Variants in AUTS2 observed in about 807,000 individuals in gnomAD.
AUTS2 encodes activator of transcription and developmental regulator AUTS2.
In AUTS2, 17 loss-of-function variants were observed where a neutral mutation model predicts 112.4. The observed-to-expected ratio is 0.15, with a 90% CI of 0.10 to 0.23. The LOEUF is 0.23. AUTS2 is among the 10% of genes least tolerant of loss of function. AUTS2 has a pLI of 1.00. For synonymous variants in AUTS2, 751 were observed against 702.7 expected (o/e 1.07, Z -1.09); for missense variants, 1,510 against 1,701.6 (o/e 0.89, Z 1.98).
In AUTS2 at chr7:70,435,739, T is replaced by C; in HGVS notation, c.661-13T>C. ...TCTTGCACTAACCCTTATTCTCTTG[T>C]CTTCATTTTCAGTGTGACAGTGACA... On this transcript the variant is annotated splice_polypyrimidine_tract_variant and intron_variant, in intron 4 of 18. Transcript: ENST00000342771. 6.2e-7 allele frequency: 1 copy of C among 1,614,036 alleles called. No individual in the cohort carries two copies. Among genetic ancestry groups the C allele is most frequent in the African/African-American group, 1.3e-5 (1 of 75,004 alleles).
At chr7:69,886,303 A>G (rs1794268996) in intron 1 of AUTS2, among the ~76,000 whole-genome samples, 1 of 152,242 alleles carries the variant, frequency 6.6e-6, no homozygotes, top group Admixed American at 6.5e-5. Flanking sequence ...TTCAATAGGA[A>G]GTTGACAACA....
At chr7:70,350,622 C>T (rs1266375995) in intron 4 of AUTS2, among the ~76,000 whole-genome samples, 2 of 152,164 alleles carry the variant, frequency 1.3e-5, no homozygotes, top group Non-Finnish European at 2.9e-5. Context: ...TGGTCCCTCC[C>T]ATGACACATG....
chr7:70,175,318 T>C (rs1808927847), intron 4 of AUTS2, among the ~76,000 whole-genome samples: 1 of 152,220 alleles, frequency 6.6e-6, no homozygotes, highest in African/African-American at 2.4e-5. Context: ...TGCTTCTTTA[T>C]GGATGAACAA....
intron 2 of AUTS2, among the ~76,000 whole-genome samples, chr7:70,081,015 T>C (rs1803277312): frequency 6.6e-6 from 1 of 152,176 alleles, no homozygotes; most frequent in Admixed American, 6.5e-5. Context: ...GCAATTTAGT[T>C]ATCCAAAGCA....
intron 2 of AUTS2, among the ~76,000 whole-genome samples, chr7:70,001,974 G>A (rs904840649): frequency 5.9e-5 from 9 of 152,124 alleles, no homozygotes; most frequent in African/African-American, 1.7e-4. Context: ...GCCTCCCAAA[G>A]TGCTGAGATT....
In AUTS2 at chr7:69,599,499, T is replaced by C; in HGVS notation, c.-155T>C. ...TTTCTTTCTCCTCTCTTTCTTCCCC[T>C]CTCTCCCTTCTTTCGGCCGCCGTCT... On this transcript the variant is annotated 5_prime_UTR_variant, in exon 1 of 19. Transcript: ENST00000342771. The surrounding 1 kb of genome is among the most constrained non-coding windows in gnomAD (Gnocchi z 7.0). The C allele has an allele frequency of 1.8e-6, 1 of 570,472 alleles. No homozygotes were observed. The highest frequency in any genetic ancestry group is 2.5e-6 in the Non-Finnish European group (1 of 392,272). 35.3% of individuals were successfully genotyped at this position (570,472 alleles called of 1,614,324 possible).
At chr7:70,618,081 CTG>C (rs1320015717) in intron 5 of AUTS2, among the ~76,000 whole-genome samples, 1 of 152,174 alleles carries the variant, frequency 6.6e-6, no homozygotes, top group Non-Finnish European at 1.5e-5. Flanking sequence ...AAAAATGAGT[CTG>C]TATCTTTTTC....
intron 2 of AUTS2, among the ~76,000 whole-genome samples, chr7:70,052,976 A>G (rs1239418465): frequency 3.9e-5 from 6 of 152,226 alleles, no homozygotes; most frequent in Non-Finnish European, 8.8e-5. Flanking sequence ...TAGAATAGCT[A>G]GACTGAGATT....
rs1798736317 is a variant in AUTS2, at chr7:70,500,681, A to G, written c.690+64900A>G. On this transcript the variant is annotated intron_variant, in intron 5 of 18. Transcript: ENST00000342771. The stretch of plus-strand genomic sequence containing the variant: ...GTGCTTAGAGAAATGCTTAGCCTCT[A>G]GCACCTTCTCCAGGCACAAAATAAT... Among the ~76,000 whole-genome samples, 3 of 151,936 alleles carry G rather than the reference A, an allele frequency of 2.0e-5. No individual in the cohort carries two copies. In the South Asian group the frequency reaches 6.2e-4, roughly 32 times the overall value.
intron 1 of AUTS2, among the ~76,000 whole-genome samples, chr7:69,756,184 G>T (rs1787938645): frequency 6.6e-6 from 1 of 152,228 alleles, no homozygotes; most frequent in Non-Finnish European, 1.5e-5. Flanking sequence ...ATACGGTGGA[G>T]AAGGAAGTGA....
intron 1 of AUTS2, among the ~76,000 whole-genome samples, chr7:69,603,062 G>A (rs1792520226): frequency 6.6e-6 from 1 of 152,204 alleles, no homozygotes; most frequent in African/African-American, 2.4e-5. Flanking sequence ...TATTATAGAT[G>A]CTAAGAGTTA....
chr7:70,684,597 G>A (rs1404962087), intron 5 of AUTS2, among the ~76,000 whole-genome samples: 2 of 150,832 alleles, frequency 1.3e-5, no homozygotes, highest in Non-Finnish European at 3.0e-5. Context: ...GGCATGTTGT[G>A]GTATGGTGTG....
intron 2 of AUTS2, among the ~76,000 whole-genome samples, chr7:70,113,775 G>C (rs1490776933): frequency 6.6e-6 from 1 of 152,146 alleles, no homozygotes; most frequent in Non-Finnish European, 1.5e-5. Context: ...TGGGCAAGTA[G>C]CATCTTTTTG....
At chr7:70,477,717 A>C (rs761776177) in intron 5 of AUTS2, among the ~76,000 whole-genome samples, 7 of 152,228 alleles carry the variant, frequency 4.6e-5, no homozygotes, top group Non-Finnish European at 7.3e-5. Context: ...GATCATTAAC[A>C]TACTTAAAGG....
chr7:70,221,626 C>G lies in AUTS2; in HGVS notation c.660+87055C>G, dbSNP rs770935515. On this transcript the variant is annotated intron_variant, in intron 4 of 18. Transcript: ENST00000342771. ...AGAACCTATCATTCGGTGACTCACGCCTGTATTCCCAGTACTTTGGGAGGC... is the reference window on the plus strand; with the variant it reads ...AGAACCTATCATTCGGTGACTCACGGCTGTATTCCCAGTACTTTGGGAGGC... 4.6e-5 allele frequency among the ~76,000 whole-genome samples: 7 copies of G among 152,332 alleles called. 1 individual carries two copies. Among genetic ancestry groups the G allele is most frequent in the Admixed American group, 3.3e-4 (5 of 15,300 alleles).
intron 1 of AUTS2, among the ~76,000 whole-genome samples, chr7:69,893,869 A>G (rs188825812): frequency 2.0e-5 from 3 of 152,314 alleles, no homozygotes; most frequent in Admixed American, 2.0e-4. Context: ...ACACTGAACC[A>G]TCTCATTTTG....
chr7:70,518,625 G>A lies in AUTS2; in HGVS notation c.690+82844G>A, dbSNP rs548946157. Among the ~76,000 whole-genome samples the A allele has an allele frequency of 1.0e-3, 159 of 151,802 alleles. 1 individual carries two copies. The highest frequency in any genetic ancestry group is 3.6e-3 in the African/African-American group (149 of 41,450). ...CGTGAACCAGGAGCCGGAGCTTGCA[G>A]TGAGCCGAGATCGCGCCACTGCACT... On this transcript the variant is annotated intron_variant, in intron 5 of 18. Coordinates refer to ENST00000342771, the MANE Select transcript of AUTS2 (RefSeq NM_015570.4).
chr7:69,756,205 CA>C (rs1262918081), intron 1 of AUTS2, among the ~76,000 whole-genome samples: 1 of 152,222 alleles, frequency 6.6e-6, no homozygotes, highest in Non-Finnish European at 1.5e-5. Context: ...CAGTCATTTA[CA>C]GTGTCATGTT....
At chr7:70,181,470 T>C (rs1006669529) in intron 4 of AUTS2, among the ~76,000 whole-genome samples, 4 of 151,982 alleles carry the variant, frequency 2.6e-5, no homozygotes, top group African/African-American at 7.3e-5. Context: ...TTCACAGTTC[T>C]GCTAAAGTTA....
Sources: allele counts gnomAD v4.1 joint callset (sites outside exome capture counted in the v4.1 genomes callset), GRCh38; gene constraint gnomAD v4.1.1; non-coding constraint Gnocchi (gnomAD v3.1); transcripts MANE v1.5; gene names NCBI Gene and HGNC (gene_info 2026-07-23, HGNC 2026-07-21).